Variants in SCUBE3 observed in about 807,000 individuals in gnomAD.
The protein encoded by SCUBE3 is signal peptide, CUB and EGF-like domain-containing protein 3.
In SCUBE3, 33 loss-of-function variants were observed where a neutral mutation model predicts 116.8. The observed-to-expected ratio is 0.28, with a 90% CI of 0.21 to 0.38. The LOEUF (loss-of-function observed/expected upper bound fraction) is 0.38. Among genes scored for constraint, SCUBE3 ranks in the 10% least tolerant of loss-of-function variants. SCUBE3 has a pLI of 1.00. For missense variants in SCUBE3, 1,007 were observed against 1,324.8 expected, an observed-to-expected ratio of 0.76 and a Z score of 3.72; for synonymous variants, 418 against 496.9, an observed-to-expected ratio of 0.84 and a Z score of 2.11.
In SCUBE3 at chr6:35,214,583, G is replaced by C. The variant is rs532217692; in HGVS notation, c.85+80G>C. 179 of 917,236 alleles carry C rather than the reference G, an allele frequency of 2.0e-4. 1 individual carries two copies. The South Asian group carries it at 4.0e-3, about 20-fold the overall frequency. The allele number at this position is 917,236 out of a possible 1,614,324, so 56.8% of individuals were successfully genotyped here. ...GCCTAGGAGCGATTCCCGAGGGGCAGGGCAGGTGCTGGGGAGCGTGCTGCT... is the reference window on the plus strand; with the variant it reads ...GCCTAGGAGCGATTCCCGAGGGGCACGGCAGGTGCTGGGGAGCGTGCTGCT... On this transcript the variant is annotated intron_variant, in intron 1 of 21. Coordinates refer to ENST00000274938, the MANE Select transcript of SCUBE3 (RefSeq NM_152753.4). This position sits in a 1 kb window ranked among gnomAD's most constrained non-coding sequence, Gnocchi z 6.3.
chr6:35,218,381 G>A (rs1481698247), intron 1 of SCUBE3, among the ~76,000 whole-genome samples: 1 of 152,200 alleles, frequency 6.6e-6, no homozygotes, highest in Non-Finnish European at 1.5e-5. Context: ...ACTGAGGACA[G>A]GGGAAGGGAA....
At position 35,244,834 on chromosome 6, in the gene SCUBE3, C is replaced by A; in HGVS notation, c.2401+23C>A. The A allele has an allele frequency of 6.2e-7, 1 of 1,611,850 alleles. No homozygotes were observed. The highest frequency in any genetic ancestry group is 2.2e-5 in the East Asian group (1 of 44,872). On this transcript the variant is annotated intron_variant, in intron 18 of 21. Transcript: ENST00000274938. The surrounding 1 kb of genome is among the most constrained non-coding windows in gnomAD (Gnocchi z 4.3). ...AGAGTACGTGGCAAGCCAGGCTGTG[C>A]AAAAGGGAGGAGAGAGGCCTGGGAG...
rs1171863768 is a variant in SCUBE3 at position 35,244,125 on chromosome 6, C to T, written c.2234C>T (p.Thr745Ile). The T allele has an allele frequency of 1.2e-6, 2 of 1,613,136 alleles. No homozygotes were observed. Among genetic ancestry groups the T allele is most frequent in the African/African-American group, 1.3e-5 (1 of 74,894 alleles). ...GCCATTTCCTTCCAAGACTGTGACA[C>T]CAAAGGTGAGTAAGCTACTCACCTC... ...EGAISFQDCD[T>I]KVQCSPGHYY... The change falls in exon 17 of 22, where the codon ACC (threonine) becomes ATC (isoleucine). Residue 745 changes from threonine to isoleucine, a missense_variant. This residue lies in a region of SCUBE3 where 544 missense variants were observed against 638.9 expected (regional missense o/e 0.85). Coordinates refer to ENST00000274938, the MANE Select transcript of SCUBE3 (RefSeq NM_152753.4). The surrounding 1 kb of genome is among the most constrained non-coding windows in gnomAD (Gnocchi z 4.3).
intron 6 of SCUBE3, among the ~76,000 whole-genome samples, chr6:35,237,020 T>C (rs1783805592): frequency 6.6e-6 from 1 of 152,172 alleles, no homozygotes. Flanking sequence ...CTCTGACCTT[T>C]TAGTGAAAGG....
At chr6:35,230,602 CAG>C (rs1440629402) in intron 3 of SCUBE3, among the ~76,000 whole-genome samples, 1 of 152,106 alleles carries the variant, frequency 6.6e-6, no homozygotes, top group Non-Finnish European at 1.5e-5. Context: ...AGCAGGAAGA[CAG>C]GGATGGGGAG....
At chr6:35,230,558 G>A (rs1233289115) in intron 3 of SCUBE3, among the ~76,000 whole-genome samples, 2 of 152,192 alleles carry the variant, frequency 1.3e-5, no homozygotes, top group Non-Finnish European at 2.9e-5. Flanking sequence ...TAGTAAGGGA[G>A]CAGACAGAAG....
In SCUBE3 at chr6:35,242,730, C is replaced by A. The variant is rs1174803232; in HGVS notation, c.1643C>A (p.Thr548Lys). Residue 548 changes from threonine (T) to lysine (K), a missense_variant, in exon 14 of 22, where the codon ACA becomes AAA. By Grantham distance (78) the Thr-to-Lys change is moderately conservative (BLOSUM62 -1). This residue lies in a region of SCUBE3 where 544 missense variants were observed against 638.9 expected (regional missense o/e 0.85). Transcript: ENST00000274938. ...RARTPPGKEV[T>K]RLTLELEAEV... is the part of the protein sequence containing the mutation. ...CGGACCCCTCCAGGCAAAGAGGTCA[C>A]AAGGCTCACCCTGGAACTGGAGGCA... 6.2e-7 allele frequency: 1 copy of A among 1,614,110 alleles called. No homozygotes were observed. Among genetic ancestry groups the A allele is most frequent in the Admixed American group, 1.7e-5 (1 of 60,034 alleles).
chr6:35,216,970 C>G (rs1191675186), intron 1 of SCUBE3, among the ~76,000 whole-genome samples: 1 of 151,834 alleles, frequency 6.6e-6, no homozygotes, highest in Non-Finnish European at 1.5e-5. Flanking sequence ...GGCAACATAG[C>G]TGGATGTCTG....
At chr6:35,246,137 T>G (rs1273515873) in intron 20 of SCUBE3, 41 bp downstream of exon 20, 12 of 1,613,202 alleles carry the variant, frequency 7.4e-6, no homozygotes, top group African/African-American at 2.7e-5. Flanking sequence ...GTATGTCAGT[T>G]TTGAGAGGGA....
chr6:35,241,065 C>A lies in SCUBE3; in HGVS notation c.1070-76C>A. The A allele has an allele frequency of 7.0e-7, 1 of 1,430,310 alleles. No individual in the cohort carries two copies. The highest frequency in any genetic ancestry group is 9.6e-7 in the Non-Finnish European group (1 of 1,043,968). The allele number at this position is 1,430,310 out of a possible 1,614,324, so 88.6% of individuals were successfully genotyped here. A position where few individuals can be genotyped will look rare whatever the true frequency, so the allele number is the denominator to read the frequency against. On this transcript the variant is annotated intron_variant, in intron 9 of 21. Coordinates refer to ENST00000274938, the MANE Select transcript of SCUBE3 (RefSeq NM_152753.4). The surrounding 1 kb of genome is among the most constrained non-coding windows in gnomAD (Gnocchi z 4.1). ...GGTACCTGAAACTCTAACCAAAGGC[C>A]CTCACTCACTGCCTACTCTCCGGCT... is the stretch of plus-strand genomic sequence containing the variant.
Position 35,243,364 on chromosome 6 carries a change from G to A in SCUBE3, c.1909+128G>A. On this transcript the variant is annotated intron_variant, in intron 15 of 21. Transcript: ENST00000274938. The surrounding 1 kb of genome is among the most constrained non-coding windows in gnomAD (Gnocchi z 6.6). ...GGCAGCCAGGATGCTCCTGCCCGCT[G>A]TCCTCCCTTCCTTGGTTCCAGGCTG... 1 of 900,086 alleles carries A rather than the reference G, an allele frequency of 1.1e-6. No homozygotes were observed. The highest frequency in any genetic ancestry group is 1.7e-6 in the Non-Finnish European group (1 of 584,802). 55.8% of individuals were successfully genotyped at this position (900,086 alleles called of 1,614,324 possible). A position where few individuals can be genotyped will look rare whatever the true frequency, so the allele number is the denominator to read the frequency against.
Position 35,251,150 on chromosome 6 carries a change from CTTTTTTTTTTTT to C in SCUBE3, c.*2455_*2466del, listed in dbSNP as rs66748362. On this transcript the variant is annotated 3_prime_UTR_variant, in exon 22 of 22. Coordinates refer to ENST00000274938, the MANE Select transcript of SCUBE3 (RefSeq NM_152753.4). Reference sequence around the variant, plus strand: ...CTAGGATAACTTTCTTTCTTTCTTTCTTTTTTTTTTTTTTTTTTTTTGAGATGGAGTCTCGCT... The same window carrying C: ...CTAGGATAACTTTCTTTCTTTCTTTCTTTTTTTTTGAGATGGAGTCTCGCT... 1.2e-5 allele frequency: 1 copy of C among 84,428 alleles called. No homozygotes were observed. The highest frequency in any genetic ancestry group is 2.5e-5 in the Non-Finnish European group (1 of 40,692). The allele number at this position is 84,428 out of a possible 1,614,324, so 5.2% of individuals were successfully genotyped here. A position where few individuals can be genotyped will look rare whatever the true frequency, so the allele number is the denominator to read the frequency against.
At position 35,248,896 on chromosome 6, in the gene SCUBE3, C is replaced by T. The variant is rs1008544511; in HGVS notation, c.*191C>T. On this transcript the variant is annotated 3_prime_UTR_variant, in exon 22 of 22. Transcript: ENST00000274938. ...CCTTTCCTTGTCTCTCTCTGCCTGC[C>T]TCTCTACTGTTCCCCCTTTTCTAAC... is the stretch of plus-strand genomic sequence containing the variant. 1.2e-5 allele frequency: 7 copies of T among 596,686 alleles called. No homozygotes were observed. Among genetic ancestry groups the T allele is most frequent in the Non-Finnish European group, 2.1e-5 (7 of 338,052 alleles). 37.0% of individuals were successfully genotyped at this position (596,686 alleles called of 1,614,324 possible).
rs1188157047 is a variant in SCUBE3 at position 35,214,951 on chromosome 6, G to A, written c.85+448G>A. ...CCCTTACCCCCAACCCGCATGCAAA[G>A]TTAGACATTTCTAAGTTGATGCCTT... is the stretch of plus-strand genomic sequence containing the variant. On this transcript the variant is annotated intron_variant, in intron 1 of 21. Transcript: ENST00000274938. This position sits in a 1 kb window ranked among gnomAD's most constrained non-coding sequence, Gnocchi z 6.3. Among the ~76,000 whole-genome samples the A allele has an allele frequency of 6.6e-6, 1 of 152,148 alleles. No homozygotes were observed. Among genetic ancestry groups the A allele is most frequent in the Non-Finnish European group, 1.5e-5 (1 of 68,026 alleles).
At chr6:35,238,767 G>A (rs1040098356) in intron 7 of SCUBE3, among the ~76,000 whole-genome samples, 2 of 152,106 alleles carry the variant, frequency 1.3e-5, no homozygotes, top group Non-Finnish European at 1.5e-5. Flanking sequence ...AAAGGGTGGA[G>A]GAAAAAGGCA....
Position 35,241,483 on chromosome 6 carries a change from A to T in SCUBE3, c.1196-60A>T. On this transcript the variant is annotated intron_variant, in intron 10 of 21. Coordinates refer to ENST00000274938, the MANE Select transcript of SCUBE3 (RefSeq NM_152753.4). This position sits in a 1 kb window ranked among gnomAD's most constrained non-coding sequence, Gnocchi z 4.1. ...GTTATGCAAGTAGCTGATTCCTCCA[A>T]ATTACCCAACTGAGGGAAAGGAATG... The T allele has an allele frequency of 7.7e-7, 1 of 1,300,956 alleles. No homozygotes were observed. The highest frequency in any genetic ancestry group is 1.1e-6 in the Non-Finnish European group (1 of 895,036). 80.6% of individuals were successfully genotyped at this position (1,300,956 alleles called of 1,614,324 possible).
intron 21 of SCUBE3, among the ~76,000 whole-genome samples, chr6:35,248,221 G>A (rs1225808488): frequency 1.3e-5 from 2 of 152,220 alleles, no homozygotes; most frequent in South Asian, 4.1e-4. Context: ...CTCCAAGTCA[G>A]AGACAGTGGT....
Position 35,248,783 on chromosome 6 carries a change from G to C in SCUBE3, c.*78G>C. On this transcript the variant is annotated 3_prime_UTR_variant, in exon 22 of 22. Transcript: ENST00000274938. ...CAGAGCCGGCAGCCCCCTACCCTCA[G>C]ACAAGGAACTCTCTCCTCTCTTTTT... 1 of 1,108,750 alleles carries C rather than the reference G, an allele frequency of 9.0e-7. No individual in the cohort carries two copies. 68.7% of individuals were successfully genotyped at this position (1,108,750 alleles called of 1,614,324 possible). A position where few individuals can be genotyped will look rare whatever the true frequency, so the allele number is the denominator to read the frequency against.
intron 13 of SCUBE3, 26 bp from the exon 14 acceptor site, chr6:35,242,595 CT>C: frequency 6.3e-7 from 1 of 1,597,344 alleles, no homozygotes; most frequent in Non-Finnish European, 8.6e-7. Flanking sequence ...GGGGATGTCC[CT>C]GGGGTTGACA....
Sources: allele counts gnomAD v4.1 joint callset (sites outside exome capture counted in the v4.1 genomes callset), GRCh38; gene constraint gnomAD v4.1.1; regional missense constraint gnomAD v4.1.1; non-coding constraint Gnocchi (gnomAD v3.1); transcripts MANE v1.5; gene names NCBI Gene and HGNC (gene_info 2026-07-23, HGNC 2026-07-21).